Variants in UGT2B10 observed in about 807,000 individuals in gnomAD.
UGT2B10 encodes UDP-glucuronosyltransferase 2B10.
Under a neutral mutation model 43.7 loss-of-function variants are expected in UGT2B10, and 51 were observed. The ratio of observed to expected loss-of-function variants is 1.17; its 90% CI spans 0.93 to 1.47. The LOEUF is 1.47. UGT2B10 is among the 40% of genes most tolerant of loss of function. The pLI, the probability that UGT2B10 is intolerant of heterozygous loss-of-function variation, is 0.00. For missense variants in UGT2B10, 696 were observed against 617.7 expected, an observed-to-expected ratio of 1.13 and a Z score of -1.34; for synonymous variants, 225 against 209.0, an observed-to-expected ratio of 1.08 and a Z score of -0.66.
chr4:68,817,998 A>G, intron 1 of UGT2B10, 31 bp from the exon 2 acceptor site: 2 of 1,592,220 alleles, frequency 1.3e-6, no homozygotes, highest in Non-Finnish European at 1.7e-6. Context: ...ATCTTATGTC[A>G]TCCACTTCTT....
intron 5 of UGT2B10, among the ~76,000 whole-genome samples, chr4:68,829,203 C>T (rs7678703): frequency 0.02 from 3,099 of 151,948 alleles, 121 homozygotes; most frequent in African/African-American, 0.071. Context: ...TACCCAAGAA[C>T]GGTTACACTA....
chr4:68,821,623 G>A (rs935521468), intron 2 of UGT2B10, among the ~76,000 whole-genome samples: 1 of 152,066 alleles, frequency 6.6e-6, no homozygotes. Context: ...CACAATACTA[G>A]ACTCCAGAAT....
intron 2 of UGT2B10, 50 bp downstream of exon 2, chr4:68,818,227 A>G (rs755840927): frequency 6.2e-7 from 1 of 1,602,294 alleles, no homozygotes; most frequent in East Asian, 2.2e-5. Flanking sequence ...ATTTCAGTAG[A>G]AATGACTGTA....
chr4:68,827,513 G>A lies in UGT2B10; in HGVS notation c.1272G>A (p.Leu424=), dbSNP rs1268314378. The A allele has an allele frequency of 1.2e-6, 2 of 1,613,206 alleles. No individual in the cohort carries two copies. The highest frequency in any genetic ancestry group is 1.3e-5 in the African/African-American group (1 of 74,854). The change falls in exon 5 of 6, where the codon CTG becomes CTA. Residue 424 remains leucine, a synonymous_variant. Coordinates refer to ENST00000265403, the MANE Select transcript of UGT2B10 (RefSeq NM_001075.6). ...VDFNTMSSTD[L]LNALKTVIND... is the part of the protein sequence containing the mutation. The stretch of plus-strand genomic sequence containing the variant: ...TCAACACAATGTCGAGTACAGACCT[G>A]CTGAATGCACTGAAGACAGTAATTA...
At chr4:68,825,681 A>G (rs1578271001) in intron 3 of UGT2B10, among the ~76,000 whole-genome samples, 1 of 151,960 alleles carries the variant, frequency 6.6e-6, no homozygotes, top group Non-Finnish European at 1.5e-5. Flanking sequence ...TATTCTTTTT[A>G]TGGCTGCATA....
intron 5 of UGT2B10, among the ~76,000 whole-genome samples, chr4:68,829,894 C>T (rs1394867422): frequency 6.6e-6 from 1 of 151,942 alleles, no homozygotes; most frequent in Admixed American, 6.6e-5. Flanking sequence ...AATGAGAAGC[C>T]AGGCAAAAAT....
intron 3 of UGT2B10, among the ~76,000 whole-genome samples, chr4:68,825,073 AT>A (rs1264335385): frequency 2.6e-5 from 4 of 152,068 alleles, no homozygotes; most frequent in African/African-American, 9.7e-5. Context: ...TAGACTTGCT[AT>A]TTTGTCAATC....
At position 68,830,977 on chromosome 4, in the gene UGT2B10, G is replaced by GA; in HGVS notation, c.*99dup. On this transcript the variant is annotated 3_prime_UTR_variant, in exon 6 of 6. Coordinates refer to ENST00000265403, the MANE Select transcript of UGT2B10 (RefSeq NM_001075.6). ...TGATGCAAGATTTCTTTCTTCCTGT[G>GA]ACAAAAAAAAATCCTTTCGAAGTCT... The GA allele has an allele frequency of 6.8e-7, 1 of 1,464,866 alleles. No individual in the cohort carries two copies. 90.7% of individuals were successfully genotyped at this position (1,464,866 alleles called of 1,614,324 possible). A position where few individuals can be genotyped will look rare whatever the true frequency, so the allele number is the denominator to read the frequency against.
intron 3 of UGT2B10, among the ~76,000 whole-genome samples, chr4:68,825,646 C>G (rs904236942): frequency 1.3e-5 from 2 of 152,040 alleles, no homozygotes; most frequent in African/African-American, 2.4e-5. Flanking sequence ...CAGCTCAATC[C>G]TTATCCCTGC....
At chr4:68,830,482 A>G (rs1172903408) in intron 5 of UGT2B10, 118 bp from the exon 6 acceptor site, 32 of 1,262,750 alleles carry the variant, frequency 2.5e-5, no homozygotes, top group Non-Finnish European at 3.1e-5. Context: ...TAAATTCTAT[A>G]TCAATTCTTT....
At chr4:68,828,414 T>C (rs2109703847) in intron 5 of UGT2B10, among the ~76,000 whole-genome samples, 1 of 151,614 alleles carries the variant, frequency 6.6e-6, no homozygotes, top group South Asian at 2.1e-4. Context: ...GGGTATCATC[T>C]AAAGAAATAC....
Position 68,830,722 on chromosome 4 carries a change from T to C in UGT2B10, c.1430T>C (p.Val477Ala), listed in dbSNP as rs752512596. ...CACAAAGGAGCCAAACATCTTCGAG[T>C]TGCAGCCCACAACCTCACCTGGTTC... ...MRHKGAKHLRVAAHNLTWFQY... is the reference protein window; with the variant it reads ...MRHKGAKHLRAAAHNLTWFQY... The change falls in exon 6 of 6, where the codon GTT (valine) becomes GCT (alanine). Residue 477 changes from valine (V) to alanine (A), a missense_variant. Val to Ala is a moderately conservative substitution (Grantham distance 64). Coordinates refer to ENST00000265403, the MANE Select transcript of UGT2B10 (RefSeq NM_001075.6). The C allele has an allele frequency of 1.2e-6, 2 of 1,613,422 alleles. No homozygotes were observed. The highest frequency in any genetic ancestry group is 2.2e-5 in the East Asian group (1 of 44,818).
At chr4:68,825,068 T>G (rs2109697111) in intron 3 of UGT2B10, among the ~76,000 whole-genome samples, 1 of 152,184 alleles carries the variant, frequency 6.6e-6, no homozygotes, top group South Asian at 2.1e-4. Context: ...TTTTATAGAC[T>G]TGCTATTTTG....
rs771978750 is a variant in UGT2B10 at position 68,816,618 on chromosome 4, T to A, written c.599T>A (p.Leu200Ter). 5.6e-6 allele frequency: 9 copies of A among 1,612,982 alleles called. No individual in the cohort carries two copies. The highest frequency in any genetic ancestry group is 6.8e-6 in the Non-Finnish European group (8 of 1,179,288). ...PSYVPVVMSK[L>*]SDQMTFMERV... ...TACGTACCTGTTGTTATGTCAAAATTAAGTGATCAAATGACTTTCATGGAG... is the reference window on the plus strand; with the variant it reads ...TACGTACCTGTTGTTATGTCAAAATAAAGTGATCAAATGACTTTCATGGAG... The change falls in exon 1 of 6, where the codon TTA (leucine) becomes TAA (stop). Residue 200 changes from leucine to a stop codon, truncating the protein, a stop_gained. Transcript: ENST00000265403. LOFTEE classifies it high-confidence loss of function.
rs374116536 is a variant in UGT2B10, at chr4:68,830,664, C to A, written c.1372C>A (p.Arg458=). The A allele has an allele frequency of 6.2e-7, 1 of 1,613,318 alleles. No individual in the cohort carries two copies. Among genetic ancestry groups the A allele is most frequent in the Non-Finnish European group, 8.5e-7 (1 of 1,179,450 alleles). ...TGATCAACCAGTGAAGCCCCTGGATCGAGCAGTCTTCTGGATTGAATTTGT... is the reference window on the plus strand; with the variant it reads ...TGATCAACCAGTGAAGCCCCTGGATAGAGCAGTCTTCTGGATTGAATTTGT... ...QHDQPVKPLD[R]AVFWIEFVMR... The change falls in exon 6 of 6, where the codon CGA becomes AGA. Residue 458 remains arginine, a synonymous_variant. Transcript: ENST00000265403.
intron 3 of UGT2B10, 34 bp from the exon 4 acceptor site, chr4:68,826,376 C>A: frequency 6.3e-7 from 1 of 1,590,826 alleles, no homozygotes; most frequent in Middle Eastern, 2.2e-4. Flanking sequence ...TTGAGTTCCA[C>A]TCGTGGAATA....
intron 4 of UGT2B10, 26 bp downstream of exon 4, chr4:68,826,523 A>C: frequency 6.3e-7 from 1 of 1,598,180 alleles, no homozygotes. Flanking sequence ...ACAATACTGG[A>C]TATATTAGTA....
At chr4:68,817,487 A>G (rs540835739) in intron 1 of UGT2B10, among the ~76,000 whole-genome samples, 8 of 151,892 alleles carry the variant, frequency 5.3e-5, no homozygotes, top group African/African-American at 1.9e-4. Context: ...TTTTTACTTA[A>G]TATTATTAAG....
chr4:68,824,671 T>A (rs1979281), intron 3 of UGT2B10, among the ~76,000 whole-genome samples: 19,271 of 152,172 alleles, frequency 0.13, 1,433 homozygotes, highest in Non-Finnish European at 0.17. Flanking sequence ...TTAAACACTG[T>A]AAATTATTGT....
Sources: allele counts gnomAD v4.1 joint callset (sites outside exome capture counted in the v4.1 genomes callset), GRCh38; gene constraint gnomAD v4.1.1; transcripts MANE v1.5; gene names NCBI Gene and HGNC (gene_info 2026-07-23, HGNC 2026-07-21).